The following UTRN variants were observed in gnomAD, a reference collection of about 807,000 sequenced individuals.
UTRN encodes the protein dystrophin-related protein 1.
UTRN carries 283 observed loss-of-function variants against 463.9 expected under a neutral mutation model. The observed-to-expected ratio is 0.61, with a 90% CI of 0.55 to 0.67. The LOEUF is 0.67. Ranked by LOEUF, UTRN falls within the 30% of genes least tolerant of loss-of-function variation. The pLI is 0.00. For missense variants in UTRN, 3,922 were observed against 4,084.3 expected, an observed-to-expected ratio of 0.96 and a Z score of 1.08; for synonymous variants, 1,442 against 1,431.5, an observed-to-expected ratio of 1.01 and a Z score of -0.17.
At chr6:144,537,272 G>A (rs1463141714) in intron 43 of UTRN, among the ~76,000 whole-genome samples, 1 of 151,932 alleles carries the variant, frequency 6.6e-6, no homozygotes, top group Non-Finnish European at 1.5e-5. Flanking sequence ...TTATGTTGCG[G>A]AGTGGTATCT....
chr6:144,487,747 G>C, intron 29 of UTRN, 50 bp downstream of exon 29: 1 of 1,533,856 alleles, frequency 6.5e-7, no homozygotes, highest in Non-Finnish European at 8.8e-7. Flanking sequence ...ATGAAGTGGA[G>C]CTGGCCCTAA....
chr6:144,471,057 A>AGGGGGGGGGGGGGGT (rs1454781033), intron 23 of UTRN, among the ~76,000 whole-genome samples: 3 of 21,458 alleles, frequency 1.4e-4, no homozygotes, highest in Non-Finnish European at 1.8e-4. Flanking sequence ...AGGGAGGGGG[A>AGGGGGGGGGGGGGGT]GAGGGAGGGG....
chr6:144,568,560 T>A (rs1800639262), intron 50 of UTRN, among the ~76,000 whole-genome samples: 1 of 152,196 alleles, frequency 6.6e-6, no homozygotes, highest in Non-Finnish European at 1.5e-5. Context: ...GCAAGTTCAG[T>A]GCTGGATGCG....
chr6:144,568,799 T>C (rs1800664869), intron 50 of UTRN, among the ~76,000 whole-genome samples: 1 of 152,150 alleles, frequency 6.6e-6, no homozygotes, highest in African/African-American at 2.4e-5. Flanking sequence ...AATGGGTAAT[T>C]TACTGATCCA....
At chr6:144,691,874 A>G (rs1055750014) in intron 52 of UTRN, among the ~76,000 whole-genome samples, 2 of 152,130 alleles carry the variant, frequency 1.3e-5, no homozygotes, top group African/African-American at 2.4e-5. Flanking sequence ...TTTATTATTT[A>G]GATTTCATGT....
intron 12 of UTRN, among the ~76,000 whole-genome samples, chr6:144,439,342 G>T (rs973277601): frequency 6.6e-6 from 1 of 152,134 alleles, no homozygotes; most frequent in African/African-American, 2.4e-5. Context: ...GATAAGGAAA[G>T]ATAGAATAAA....
At chr6:144,669,307 T>C (rs1780748670) in intron 51 of UTRN, among the ~76,000 whole-genome samples, 1 of 152,218 alleles carries the variant, frequency 6.6e-6, no homozygotes, top group South Asian at 2.1e-4. Context: ...ACTAAACTTA[T>C]CTGTAATCCT....
intron 2 of UTRN, among the ~76,000 whole-genome samples, chr6:144,352,733 G>A (rs1226518018): frequency 6.6e-6 from 1 of 152,214 alleles, no homozygotes; most frequent in South Asian, 2.1e-4. Context: ...AAAAATAAAA[G>A]GTCGTTCAAG....
intron 27 of UTRN, among the ~76,000 whole-genome samples, chr6:144,482,705 G>T (rs1316089745): frequency 2.6e-5 from 4 of 152,062 alleles, no homozygotes; most frequent in Non-Finnish European, 5.9e-5. Context: ...TGTAACAGAT[G>T]ATCTGTAGGG....
chr6:144,313,407 T>C (rs1200703630), intron 2 of UTRN, among the ~76,000 whole-genome samples: 2 of 151,394 alleles, frequency 1.3e-5, no homozygotes, highest in Non-Finnish European at 3.0e-5. Flanking sequence ...ATAATAAATA[T>C]ACATATGCTT....
chr6:144,340,396 T>C (rs1474177077), intron 2 of UTRN, among the ~76,000 whole-genome samples: 1 of 152,180 alleles, frequency 6.6e-6, no homozygotes, highest in Non-Finnish European at 1.5e-5. Context: ...GAAGAAGATG[T>C]GTACCCTTCA....
rs74662627 is a variant in UTRN at position 144,682,051 on chromosome 6, C to G, written c.7652+3473C>G. On this transcript the variant is annotated intron_variant, in intron 52 of 74. Transcript: ENST00000367545. ...CTAAGTTATTATTGACTATAATCAC[C>G]CTTGTTTTGCTATCAAATACTGGAT... is the stretch of plus-strand genomic sequence containing the variant. Among the ~76,000 whole-genome samples, 403 of 152,004 alleles carry G rather than the reference C, an allele frequency of 2.7e-3. 15 individuals are homozygous for G. The East Asian group carries it at 0.057, about 22-fold the overall frequency.
intron 23 of UTRN, among the ~76,000 whole-genome samples, chr6:144,469,703 C>CTTTTCTTTTTTTT (rs1790310029): frequency 7.4e-6 from 1 of 135,710 alleles, no homozygotes; most frequent in Non-Finnish European, 1.6e-5. Context: ...TGTTTCTTTC[C>CTTTTCTTTTTTTT]TTTTTTTTTT....
intron 2 of UTRN, among the ~76,000 whole-genome samples, chr6:144,399,011 C>T (rs2114786777): frequency 6.6e-6 from 1 of 152,242 alleles, no homozygotes; most frequent in Middle Eastern, 3.4e-3. Flanking sequence ...ACTTCTTGTA[C>T]ACTTAGGTAG....
intron 44 of UTRN, among the ~76,000 whole-genome samples, chr6:144,538,683 A>G (rs7740593): frequency 0.22 from 32,797 of 151,496 alleles, 3,794 homozygotes; most frequent in African/African-American, 0.29. Context: ...AAAAAAAAAA[A>G]AAAAGAAATT....
chr6:144,487,759 C>A, intron 29 of UTRN, 62 bp downstream of exon 29: 1 of 1,483,520 alleles, frequency 6.7e-7, no homozygotes, highest in Non-Finnish European at 9.1e-7. Flanking sequence ...TGGCCCTAAG[C>A]TCCATATCAT....
intron 53 of UTRN, among the ~76,000 whole-genome samples, chr6:144,724,777 A>T (rs988303077): frequency 6.6e-6 from 1 of 152,110 alleles, no homozygotes. Flanking sequence ...ATTCATTTTT[A>T]TTACTGAATA....
chr6:144,780,386 GA>G (rs918262538), intron 60 of UTRN, among the ~76,000 whole-genome samples: 28 of 151,696 alleles, frequency 1.8e-4, no homozygotes, highest in African/African-American at 6.5e-4. Flanking sequence ...TAAAAAATAA[GA>G]AAAAATAAGA....
chr6:144,507,396 C>T (rs1040766339), intron 34 of UTRN, among the ~76,000 whole-genome samples: 3 of 152,042 alleles, frequency 2.0e-5, no homozygotes, highest in Non-Finnish European at 2.9e-5. Flanking sequence ...TCCTCATCTT[C>T]GTGGATTTAT....
Sources: allele counts gnomAD v4.1 joint callset (sites outside exome capture counted in the v4.1 genomes callset), GRCh38; gene constraint gnomAD v4.1.1; transcripts MANE v1.5; gene names NCBI Gene and HGNC (gene_info 2026-07-23, HGNC 2026-07-21).